The following ZNF804B variants were observed in gnomAD, a reference collection of about 807,000 sequenced individuals.
ZNF804B encodes zinc finger protein 804B.
ZNF804B carries 80 observed loss-of-function variants against 101.4 expected under a neutral mutation model. The ratio of observed to expected loss-of-function variants is 0.79; its 90% CI spans 0.66 to 0.95. The LOEUF is 0.95. ZNF804B is among the 40% of genes least tolerant of loss of function. ZNF804B has a pLI of 0.00. For synonymous variants in ZNF804B, 622 were observed against 558.8 expected (o/e 1.11, Z -1.59); for missense variants, 1,673 against 1,561.9 (o/e 1.07, Z -1.20).
rs866530452 is a variant in ZNF804B at position 88,848,639 on chromosome 7, T to A, written c.108+88555T>A. On this transcript the variant is annotated intron_variant, in intron 1 of 3. Coordinates refer to ENST00000333190, the MANE Select transcript of ZNF804B (RefSeq NM_181646.5). ...GCATTTTCTTTTTTTTTTTTTTTTT[T>A]AAAAAACGTGTCTAGTTTTAGAAAT... Among the ~76,000 whole-genome samples the A allele has an allele frequency of 8.3e-3, 1,229 of 148,614 alleles. 7 individuals are homozygous for A. Among genetic ancestry groups the A allele is most frequent in the Non-Finnish European group, 0.012 (796 of 66,818 alleles).
chr7:88,782,684 T>C (rs1157693302), intron 1 of ZNF804B, among the ~76,000 whole-genome samples: 1 of 152,180 alleles, frequency 6.6e-6, no homozygotes, highest in East Asian at 1.9e-4. Flanking sequence ...CTTATGTTTA[T>C]GCAACCATCA....
intron 1 of ZNF804B, among the ~76,000 whole-genome samples, chr7:89,003,301 A>C (rs1788317261): frequency 6.6e-6 from 1 of 152,020 alleles, no homozygotes; most frequent in African/African-American, 2.4e-5. Flanking sequence ...GATTTAGCCC[A>C]GACCCTTGAC....
At chr7:89,125,490 T>C (rs908193627) in intron 1 of ZNF804B, among the ~76,000 whole-genome samples, 1 of 152,038 alleles carries the variant, frequency 6.6e-6, no homozygotes, top group Admixed American at 6.6e-5. Context: ...ATTAAAAAAA[T>C]TCTAACAGTC....
chr7:88,823,118 G>C (rs1044696633), intron 1 of ZNF804B, among the ~76,000 whole-genome samples: 5 of 152,160 alleles, frequency 3.3e-5, no homozygotes, highest in Non-Finnish European at 7.4e-5. Context: ...GCTGAGGCAG[G>C]AGAATTGCTT....
chr7:88,763,596 G>A (rs557344546), intron 1 of ZNF804B, among the ~76,000 whole-genome samples: 1 of 151,592 alleles, frequency 6.6e-6, no homozygotes, highest in Non-Finnish European at 1.5e-5. Context: ...GGATTTTATG[G>A]TGCTTAATGA....
intron 1 of ZNF804B, among the ~76,000 whole-genome samples, chr7:88,881,838 T>A (rs1792047850): frequency 6.6e-6 from 1 of 152,210 alleles, no homozygotes; most frequent in African/African-American, 2.4e-5. Flanking sequence ...TTCTGGGAAC[T>A]GTAAGTAACA....
intron 1 of ZNF804B, among the ~76,000 whole-genome samples, chr7:89,038,940 G>A (rs1268944212): frequency 6.6e-6 from 1 of 151,936 alleles, no homozygotes; most frequent in African/African-American, 2.4e-5. Context: ...TGTATTTGTG[G>A]CATTTTTACT....
chr7:89,291,961 C>T (rs1002993244), intron 2 of ZNF804B, among the ~76,000 whole-genome samples: 9 of 151,666 alleles, frequency 5.9e-5, no homozygotes, highest in African/African-American at 2.2e-4. Context: ...CCTTACATGA[C>T]GAGAAAGACA....
intron 1 of ZNF804B, among the ~76,000 whole-genome samples, chr7:88,882,689 A>T (rs1336797580): frequency 2.0e-5 from 3 of 152,050 alleles, no homozygotes; most frequent in Non-Finnish European, 4.4e-5. Context: ...AAAGAATGAG[A>T]TCATGTCATT....
intron 1 of ZNF804B, among the ~76,000 whole-genome samples, chr7:89,066,932 A>G (rs1037630705): frequency 6.6e-6 from 1 of 151,768 alleles, no homozygotes. Context: ...GTATTTGTCA[A>G]TTTCTAATAT....
intron 1 of ZNF804B, among the ~76,000 whole-genome samples, chr7:88,981,190 A>G (rs1234220354): frequency 6.6e-6 from 1 of 152,074 alleles, no homozygotes; most frequent in Non-Finnish European, 1.5e-5. Context: ...CGTTTATTCA[A>G]GGCCCAGGGG....
chr7:88,964,495 T>C (rs1030695373), intron 1 of ZNF804B, among the ~76,000 whole-genome samples: 2 of 151,288 alleles, frequency 1.3e-5, no homozygotes, highest in Admixed American at 1.3e-4. Flanking sequence ...AGACAGAAAG[T>C]AGGATAGTGG....
intron 1 of ZNF804B, among the ~76,000 whole-genome samples, chr7:89,175,119 G>T (rs985849653): frequency 4.9e-5 from 6 of 122,932 alleles, no homozygotes; most frequent in African/African-American, 1.7e-4. Context: ...ATCCATGTTT[G>T]CTTTGGTTGC....
rs149666513 is a variant in ZNF804B at position 89,218,366 on chromosome 7, A to G, written c.249+71A>G. 1,548 of 1,539,664 alleles carry G rather than the reference A, an allele frequency of 1.0e-3. 15 individuals are homozygous for G. The African/African-American group carries it at 0.019, about 19-fold the overall frequency. ...TTCAGAACAGAACTGTATGAATTTGACCTTATTTACTGCCATATAAGACTG... is the reference window on the plus strand; with the variant it reads ...TTCAGAACAGAACTGTATGAATTTGGCCTTATTTACTGCCATATAAGACTG... On this transcript the variant is annotated intron_variant, in intron 2 of 3. Transcript: ENST00000333190.
At chr7:89,230,723 C>T (rs1168649083) in intron 2 of ZNF804B, among the ~76,000 whole-genome samples, 1 of 152,010 alleles carries the variant, frequency 6.6e-6, no homozygotes, top group African/African-American at 2.4e-5. Flanking sequence ...TGGACATCCA[C>T]ATACATCTGA....
At chr7:89,234,040 A>C (rs1230096814) in intron 2 of ZNF804B, among the ~76,000 whole-genome samples, 1 of 148,222 alleles carries the variant, frequency 6.7e-6, no homozygotes, top group African/African-American at 2.7e-5. Flanking sequence ...ACCTGTTTGC[A>C]AAAGGGAGCT....
At chr7:88,885,407 T>G (rs1483912047) in intron 1 of ZNF804B, among the ~76,000 whole-genome samples, 2 of 151,650 alleles carry the variant, frequency 1.3e-5, no homozygotes, top group African/African-American at 4.8e-5. Flanking sequence ...CAGTGACGTA[T>G]TGATCTGATT....
chr7:89,033,012 G>C, intron 1 of ZNF804B, among the ~76,000 whole-genome samples: 1 of 150,580 alleles, frequency 6.6e-6, no homozygotes, highest in Non-Finnish European at 1.5e-5. Context: ...TTATGACTAT[G>C]GTCACTTCTT....
At chr7:89,191,450 A>C (rs551163599) in intron 1 of ZNF804B, among the ~76,000 whole-genome samples, 2 of 152,204 alleles carry the variant, frequency 1.3e-5, no homozygotes, top group African/African-American at 4.8e-5. Flanking sequence ...TGCCATCTGA[A>C]TGCTTTTAAG....
Sources: gnomAD v4.1 joint callset for allele counts (sites outside exome capture counted in the v4.1 genomes callset) on GRCh38, gnomAD v4.1.1 for gene constraint, MANE v1.5 for transcripts, NCBI Gene and HGNC (gene_info 2026-07-23, HGNC 2026-07-21) for gene names.